The following RALGAPA2 variants were observed in gnomAD, a reference collection of about 807,000 sequenced individuals.
The protein encoded by RALGAPA2 is Ral GTPase activating protein catalytic subunit alpha 2, also known as ral GTPase-activating protein subunit alpha-2.
A neutral mutation model predicts 230.4 loss-of-function variants in RALGAPA2; 139 were observed. The ratio of observed to expected loss-of-function variants is 0.60; its 90% CI spans 0.53 to 0.69. RALGAPA2 has a LOEUF of 0.69. Among genes scored for constraint, RALGAPA2 ranks in the 30% least tolerant of loss-of-function variants. The pLI is 0.00. For synonymous variants in RALGAPA2, 847 were observed against 837.8 expected, an observed-to-expected ratio of 1.01 and a Z score of -0.19; for missense variants, 2,163 against 2,276.0, an observed-to-expected ratio of 0.95 and a Z score of 1.01.
chr20:20,431,157 G>C (rs2060493793), intron 37 of RALGAPA2, among the ~76,000 whole-genome samples: 1 of 152,176 alleles, frequency 6.6e-6, no homozygotes, highest in African/African-American at 2.4e-5. Context: ...GGGGGAGGCA[G>C]GAGGAAAACA....
chr20:20,394,889 C>CAAAA (rs10673778), intron 39 of RALGAPA2, among the ~76,000 whole-genome samples: 17 of 44,624 alleles, frequency 3.8e-4, no homozygotes, highest in Admixed American at 9.3e-4. Context: ...AATAAATAAG[C>CAAAA]AAAAAAAAAA....
At chr20:20,515,655 T>C (rs1189893293) in intron 31 of RALGAPA2, among the ~76,000 whole-genome samples, 1 of 152,186 alleles carries the variant, frequency 6.6e-6, no homozygotes, top group Non-Finnish European at 1.5e-5. Context: ...CAGCAGGAAA[T>C]GCCTTGCAGG....
chr20:20,587,420 GA>G (rs998547499), intron 18 of RALGAPA2, among the ~76,000 whole-genome samples: 2 of 151,830 alleles, frequency 1.3e-5, no homozygotes, highest in African/African-American at 4.8e-5. Flanking sequence ...GATCAATAAA[GA>G]AAAATTAATT....
chr20:20,555,549 C>T (rs183410517), intron 23 of RALGAPA2, among the ~76,000 whole-genome samples: 50 of 152,274 alleles, frequency 3.3e-4, no homozygotes, highest in African/African-American at 1.1e-3. Flanking sequence ...TTCTGATCCA[C>T]GGATATTTTT....
chr20:20,562,658 C>T (rs1320802178), intron 23 of RALGAPA2, among the ~76,000 whole-genome samples: 2 of 152,156 alleles, frequency 1.3e-5, no homozygotes, highest in Non-Finnish European at 2.9e-5. Context: ...CTCTCTGGAT[C>T]AGCCTCCATG....
At chr20:20,535,283 A>T (rs2063469197) in intron 26 of RALGAPA2, among the ~76,000 whole-genome samples, 1 of 152,164 alleles carries the variant, frequency 6.6e-6, no homozygotes, top group African/African-American at 2.4e-5. Flanking sequence ...TGGCCCAGAA[A>T]ACCTCATATA....
intron 9 of RALGAPA2, among the ~76,000 whole-genome samples, chr20:20,630,709 C>T (rs998509272): frequency 1.3e-5 from 2 of 152,152 alleles, no homozygotes; most frequent in South Asian, 4.1e-4. Flanking sequence ...GAGTATGGTA[C>T]AGAAAGAAGA....
At position 20,712,247 on chromosome 20, in the gene RALGAPA2, A is replaced by C. The variant is rs868084231; in HGVS notation, c.106+128T>G. The C allele has an allele frequency of 3.3e-4, 299 of 896,292 alleles. 3 individuals carry two copies. The highest frequency in any genetic ancestry group is 2.2e-3 in the South Asian group (116 of 53,522). 55.5% of individuals were successfully genotyped at this position (896,292 alleles called of 1,614,324 possible). A position where few individuals can be genotyped will look rare whatever the true frequency, so the allele number is the denominator to read the frequency against. On this transcript the variant is annotated intron_variant, in intron 1 of 39. Coordinates refer to ENST00000202677, the MANE Select transcript of RALGAPA2 (RefSeq NM_020343.4). The surrounding 1 kb of genome is among the most constrained non-coding windows in gnomAD (Gnocchi z 5.5). The stretch of plus-strand genomic sequence containing the variant: ...CGGGGGTCCAAGCCCAGATCCAGGG[A>C]AGGGGGTCGGACGCCCACCCATCCC...
At chr20:20,659,627 T>C in intron 3 of RALGAPA2, 2 of 287,138 alleles carry the variant, frequency 7.0e-6, no homozygotes, top group Admixed American at 4.2e-5. Flanking sequence ...AAAAAGAGTA[T>C]ATTCCTAAAA....
chr20:20,558,672 G>A (rs1179109782), intron 23 of RALGAPA2, among the ~76,000 whole-genome samples: 1 of 151,720 alleles, frequency 6.6e-6, no homozygotes, highest in African/African-American at 2.4e-5. Context: ...AAGATCTTAA[G>A]GGGGAAAAAA....
At position 20,704,528 on chromosome 20, in the gene RALGAPA2, G is replaced by A. The variant is rs542375793; in HGVS notation, c.106+7847C>T. On this transcript the variant is annotated intron_variant, in intron 1 of 39. Transcript: ENST00000202677. ...AGACATGGCCAAACTCAGGACTCATGGGCTTCCTCTCACTCTCCACCTCTC... is the reference window on the plus strand; with the variant it reads ...AGACATGGCCAAACTCAGGACTCATAGGCTTCCTCTCACTCTCCACCTCTC... Among the ~76,000 whole-genome samples the A allele has an allele frequency of 6.6e-5, 10 of 152,296 alleles. 1 individual carries two copies. In the South Asian group the frequency reaches 2.1e-3, roughly 32 times the overall value.
At chr20:20,589,430 A>G in intron 17 of RALGAPA2, 65 bp from the exon 18 acceptor site, 1 of 1,460,546 alleles carries the variant, frequency 6.8e-7, no homozygotes, top group Non-Finnish European at 9.3e-7. Context: ...AAAACCGGAA[A>G]ATGATTTTAT....
chr20:20,578,120 C>T (rs1568602559), intron 20 of RALGAPA2, among the ~76,000 whole-genome samples: 1 of 152,134 alleles, frequency 6.6e-6, no homozygotes, highest in East Asian at 1.9e-4. Context: ...TCAAGGTACG[C>T]TGACTTCTTT....
At chr20:20,658,291 A>G (rs2067656824) in intron 3 of RALGAPA2, among the ~76,000 whole-genome samples, 1 of 152,240 alleles carries the variant, frequency 6.6e-6, no homozygotes, top group African/African-American at 2.4e-5. Context: ...TGCAAGAGCC[A>G]TTGTTTAAAG....
At chr20:20,598,372 T>C (rs1449753451) in intron 16 of RALGAPA2, among the ~76,000 whole-genome samples, 1 of 152,230 alleles carries the variant, frequency 6.6e-6, no homozygotes, top group Non-Finnish European at 1.5e-5. Context: ...CTATGGGCAC[T>C]GTATAGAAGA....
intron 27 of RALGAPA2, among the ~76,000 whole-genome samples, chr20:20,526,952 G>C (rs571214988): frequency 6.6e-6 from 1 of 152,266 alleles, no homozygotes; most frequent in Non-Finnish European, 1.5e-5. Context: ...TGTTTCCTGA[G>C]GCTGGCGTGC....
chr20:20,451,876 T>C (rs76027464), intron 37 of RALGAPA2, among the ~76,000 whole-genome samples: 2,285 of 152,322 alleles, frequency 0.015, 28 homozygotes, highest in Non-Finnish European at 0.024. Flanking sequence ...GAAGAGACTA[T>C]GCAAAATCAT....
At chr20:20,459,420 T>C (rs2061248274) in intron 37 of RALGAPA2, among the ~76,000 whole-genome samples, 1 of 150,490 alleles carries the variant, frequency 6.6e-6, no homozygotes, top group Admixed American at 6.6e-5. Context: ...TAAGAGGTTT[T>C]TTTGCTTTTT....
In RALGAPA2 at chr20:20,712,225, G is replaced by T. The variant is rs943823605; in HGVS notation, c.106+150C>A. On this transcript the variant is annotated intron_variant, in intron 1 of 39. Coordinates refer to ENST00000202677, the MANE Select transcript of RALGAPA2 (RefSeq NM_020343.4). This position sits in a 1 kb window ranked among gnomAD's most constrained non-coding sequence, Gnocchi z 5.5. ...CGGCTTTCTGGAAACAAAGCCCCGGGGGTCCAAGCCCAGATCCAGGGAAGG... is the reference window on the plus strand; with the variant it reads ...CGGCTTTCTGGAAACAAAGCCCCGGTGGTCCAAGCCCAGATCCAGGGAAGG... 1.8e-5 allele frequency: 13 copies of T among 739,120 alleles called. No homozygotes were observed. The African/African-American group carries it at 1.9e-4, about 11-fold the overall frequency. 45.8% of individuals were successfully genotyped at this position (739,120 alleles called of 1,614,324 possible).
Sources: allele counts gnomAD v4.1 joint callset (sites outside exome capture counted in the v4.1 genomes callset), GRCh38; gene constraint gnomAD v4.1.1; non-coding constraint Gnocchi (gnomAD v3.1); transcripts MANE v1.5; gene names NCBI Gene and HGNC (gene_info 2026-07-23, HGNC 2026-07-21).